Variants in BNC2 observed in about 807,000 individuals in gnomAD.
The protein encoded by BNC2 is basonuclin zinc finger protein 2.
BNC2 carries 20 observed loss-of-function variants against 76.3 expected under a neutral mutation model. The ratio of observed to expected loss-of-function variants is 0.26; its 90% CI spans 0.18 to 0.38. The LOEUF (loss-of-function observed/expected upper bound fraction) is 0.38, where lower values mean the gene tolerates loss of function less well. Among genes scored for constraint, BNC2 ranks in the 10% least tolerant of loss-of-function variants. BNC2 has a pLI of 1.00. For missense variants in BNC2, 1,382 were observed against 1,399.8 expected (o/e 0.99, Z 0.20); for synonymous variants, 582 against 514.8 (o/e 1.13, Z -1.77).
chr9:16,456,297 T>G (rs1488504326), intron 5 of BNC2, among the ~76,000 whole-genome samples: 1 of 152,146 alleles, frequency 6.6e-6, no homozygotes, highest in Non-Finnish European at 1.5e-5. Context: ...AGACATTGCC[T>G]ATAAATTCAC....
At chr9:16,657,428 G>C (rs1244958558) in intron 3 of BNC2, among the ~76,000 whole-genome samples, 2 of 152,210 alleles carry the variant, frequency 1.3e-5, no homozygotes, top group Non-Finnish European at 2.9e-5. Flanking sequence ...TGCTTCAGAT[G>C]AGAGGTCAGC....
At chr9:16,558,933 C>CA (rs574756487) in intron 4 of BNC2, among the ~76,000 whole-genome samples, 1,699 of 81,020 alleles carry the variant, frequency 0.021, 49 homozygotes, top group East Asian at 0.15. Context: ...GACTCCGTCT[C>CA]AAAAAAAAAA....
chr9:16,686,430 T>G (rs912915372), intron 3 of BNC2, among the ~76,000 whole-genome samples: 6 of 152,220 alleles, frequency 3.9e-5, no homozygotes, highest in African/African-American at 4.8e-5. Context: ...AGATTCCACC[T>G]AAACATGTTT....
At chr9:16,569,179 C>T (rs1248703062) in intron 4 of BNC2, among the ~76,000 whole-genome samples, 1 of 151,536 alleles carries the variant, frequency 6.6e-6, no homozygotes, top group Non-Finnish European at 1.5e-5. Context: ...TGAACCTCTA[C>T]AAATCCTCAT....
At chr9:16,620,760 C>T (rs1820843403) in intron 3 of BNC2, among the ~76,000 whole-genome samples, 1 of 152,142 alleles carries the variant, frequency 6.6e-6, no homozygotes, top group Admixed American at 6.5e-5. Context: ...GCTGATCATT[C>T]TGAAAACAAT....
At chr9:16,606,481 T>G (rs965493327) in intron 3 of BNC2, among the ~76,000 whole-genome samples, 2 of 151,970 alleles carry the variant, frequency 1.3e-5, no homozygotes, top group Non-Finnish European at 2.9e-5. Context: ...GGCAGGTCTT[T>G]CCCATGCTAT....
chr9:16,610,052 T>C (rs1216778001), intron 3 of BNC2, among the ~76,000 whole-genome samples: 3 of 152,140 alleles, frequency 2.0e-5, no homozygotes, highest in Non-Finnish European at 2.9e-5. Context: ...TGGATAAATA[T>C]ACCATTATTT....
At chr9:16,674,281 T>C (rs954693982) in intron 3 of BNC2, among the ~76,000 whole-genome samples, 42 of 152,218 alleles carry the variant, frequency 2.8e-4, no homozygotes, top group African/African-American at 8.9e-4. Flanking sequence ...ATTGAATAGT[T>C]AGAAATAAAG....
chr9:16,657,398 A>AC (rs1821960932), intron 3 of BNC2, among the ~76,000 whole-genome samples: 1 of 152,038 alleles, frequency 6.6e-6, no homozygotes, highest in Non-Finnish European at 1.5e-5. Flanking sequence ...AGTAAAAAAA[A>AC]CAGAAACGCT....
chr9:16,781,374 G>C (rs894604205), intron 1 of BNC2, among the ~76,000 whole-genome samples: 1 of 151,936 alleles, frequency 6.6e-6, no homozygotes, highest in Non-Finnish European at 1.5e-5. Context: ...ATGGAGTCTC[G>C]CTCTGTTGCC....
At chr9:16,572,656 G>A (rs939328818) in intron 4 of BNC2, among the ~76,000 whole-genome samples, 1 of 152,110 alleles carries the variant, frequency 6.6e-6, no homozygotes, top group Non-Finnish European at 1.5e-5. Context: ...GGGGTGGGGA[G>A]TGGTGGTGCA....
intron 1 of BNC2, among the ~76,000 whole-genome samples, chr9:16,791,054 C>T (rs998627095): frequency 1.3e-4 from 19 of 151,750 alleles, no homozygotes; most frequent in Admixed American, 2.0e-4. Flanking sequence ...GGATTTTATA[C>T]AATTATAGAT....
intron 1 of BNC2, among the ~76,000 whole-genome samples, chr9:16,815,285 C>G (rs1461626872): frequency 1.3e-5 from 2 of 152,048 alleles, no homozygotes; most frequent in Non-Finnish European, 2.9e-5. Context: ...GTCTAAGGAC[C>G]ATGGCATGGA....
At chr9:16,472,179 A>G (rs1270188462) in intron 5 of BNC2, among the ~76,000 whole-genome samples, 1 of 152,208 alleles carries the variant, frequency 6.6e-6, no homozygotes, top group East Asian at 1.9e-4. Flanking sequence ...CACAAGCACT[A>G]TATTGTCCTG....
chr9:16,678,048 G>C (rs959141899), intron 3 of BNC2, among the ~76,000 whole-genome samples: 1 of 151,906 alleles, frequency 6.6e-6, no homozygotes, highest in Non-Finnish European at 1.5e-5. Context: ...TAACAAAAAT[G>C]AGAGGATGCA....
At chr9:16,434,009 C>T (rs1820954578) in intron 6 of BNC2, among the ~76,000 whole-genome samples, 1 of 152,012 alleles carries the variant, frequency 6.6e-6, no homozygotes, top group Non-Finnish European at 1.5e-5. Context: ...ATATAGCTAT[C>T]TTATCTGATG....
intron 1 of BNC2, among the ~76,000 whole-genome samples, chr9:16,797,667 G>T (rs145050398): frequency 1.2e-3 from 181 of 152,236 alleles, no homozygotes; most frequent in African/African-American, 4.2e-3. Context: ...AGATGAGATT[G>T]AGTCTGTCAA....
At chr9:16,773,700 T>C (rs764325708) in intron 1 of BNC2, among the ~76,000 whole-genome samples, 1 of 152,160 alleles carries the variant, frequency 6.6e-6, no homozygotes, top group Non-Finnish European at 1.5e-5. Context: ...CCAAGGTGCT[T>C]GGAGGAAACT....
At chr9:16,745,891 A>G (rs1824986906) in intron 1 of BNC2, among the ~76,000 whole-genome samples, 2 of 152,226 alleles carry the variant, frequency 1.3e-5, no homozygotes, top group South Asian at 2.1e-4. Context: ...GTTCTCAAAT[A>G]TATTTGCTTT....
Sources: allele counts gnomAD v4.1 joint callset (sites outside exome capture counted in the v4.1 genomes callset), GRCh38; gene constraint gnomAD v4.1.1; transcripts MANE v1.5; gene names NCBI Gene and HGNC (gene_info 2026-07-23, HGNC 2026-07-21).